COLEC10: variants seen among roughly 807,000 people sequenced by gnomAD.
COLEC10 encodes collectin subfamily member 10.
In COLEC10, 22 loss-of-function variants were observed where a neutral mutation model predicts 28.4. That is an observed-to-expected ratio of 0.78 (90% CI 0.55 to 1.11). COLEC10 has a LOEUF of 1.11. Among genes scored for constraint, COLEC10 ranks in the 50% least tolerant of loss-of-function variants. The probability of loss-of-function intolerance (pLI) is 0.00; values close to 1 mark genes in which losing one functional copy is unlikely to be tolerated. For missense variants in COLEC10, 361 were observed against 344.1 expected, an observed-to-expected ratio of 1.05 and a Z score of -0.39; for synonymous variants, 125 against 116.1, an observed-to-expected ratio of 1.08 and a Z score of -0.49.
At chr8:118,987,433 A>T in the COLEC10 span, among the ~76,000 whole-genome samples, 405 of 152,206 alleles carry the variant, frequency 2.7e-3, 6 homozygotes, top group African/African-American at 9.0e-3. Context: ...ACGTGGTGGT[A>T]CAGGGCTGTA....
chr8:119,050,054 CA>C (rs1272752774), intron 2 of COLEC10, among the ~76,000 whole-genome samples: 4 of 152,102 alleles, frequency 2.6e-5, no homozygotes, highest in Admixed American at 2.6e-4. Flanking sequence ...CACCTAACTT[CA>C]AAGCAACTCT....
intron 2 of COLEC10, among the ~76,000 whole-genome samples, chr8:119,014,443 T>C (rs1422301654): frequency 2.0e-5 from 3 of 150,426 alleles, no homozygotes; most frequent in Non-Finnish European, 2.9e-5. Flanking sequence ...ATTCTTATCT[T>C]CTGTAGGTAA....
chr8:119,073,961 C>CAT (rs139009488), intron 1 of COLEC10, among the ~76,000 whole-genome samples: 7 of 114,892 alleles, frequency 6.1e-5, no homozygotes, highest in Non-Finnish European at 1.0e-4. Context: ...CATATATACA[C>CAT]ATATACACAT....
rs535335893 is a variant in COLEC10, at chr8:119,050,444, A to G, written n.236-39236A>G. ...AAGTGGGTCAGTAAAGAGATTTTCT[A>G]TTTCAAGAGAATCTTATAAATCACC... On this transcript the variant is annotated intron_variant and non_coding_transcript_variant, in intron 2 of 6. Coordinates refer to the COLEC10 transcript ENST00000521788. 3.3e-5 allele frequency among the ~76,000 whole-genome samples: 5 copies of G among 152,320 alleles called. No individual in the cohort carries two copies. In the South Asian group the frequency reaches 1.0e-3, roughly 32 times the overall value.
chr8:119,098,137 T>C, intron 3 of COLEC10, among the ~76,000 whole-genome samples: 1 of 152,086 alleles, frequency 6.6e-6, no homozygotes, highest in East Asian at 1.9e-4. Context: ...ATGGTCATTC[T>C]AGATTTTGCA....
At chr8:119,028,293 T>G (rs1448241222) in intron 2 of COLEC10, among the ~76,000 whole-genome samples, 1 of 152,156 alleles carries the variant, frequency 6.6e-6, no homozygotes, top group Non-Finnish European at 1.5e-5. Context: ...AAGGACAGAC[T>G]TTTGGGAAAA....
rs139869623 is a variant in COLEC10, at chr8:119,106,014, G to A, written c.657G>A (p.Gln219=). The A allele has an allele frequency of 6.2e-7, 1 of 1,613,882 alleles. No homozygotes were observed. ...TGAATGACCTTGAAAGGGAGGGACA[G>A]TACATGTTCACAGACAACACTCCAC... is the stretch of plus-strand genomic sequence containing the variant. ...IGVNDLEREG[Q]YMFTDNTPLQ... The change falls in exon 6 of 6, where the codon CAG becomes CAA. Residue 219 remains glutamine, a synonymous_variant. Transcript: ENST00000332843.
At chr8:119,055,655 T>G (rs986437540) in intron 2 of COLEC10, among the ~76,000 whole-genome samples, 1 of 152,082 alleles carries the variant, frequency 6.6e-6, no homozygotes, top group African/African-American at 2.4e-5. Context: ...AATTTAAAAT[T>G]GATCATGTGT....
chr8:118,985,291 A>T, the COLEC10 span, among the ~76,000 whole-genome samples: 4 of 151,264 alleles, frequency 2.6e-5, no homozygotes, highest in Non-Finnish European at 5.9e-5. Context: ...GGTCCTCCTT[A>T]AAAAAAAATT....
intron 2 of COLEC10, among the ~76,000 whole-genome samples, chr8:119,019,030 C>T (rs1241570626): frequency 6.6e-6 from 1 of 152,110 alleles, no homozygotes; most frequent in Non-Finnish European, 1.5e-5. Context: ...GAAAAGATGC[C>T]TACTATCTTC....
At chr8:119,017,479 G>A (rs1414293378) in intron 2 of COLEC10, among the ~76,000 whole-genome samples, 1 of 152,134 alleles carries the variant, frequency 6.6e-6, no homozygotes, top group Non-Finnish European at 1.5e-5. Flanking sequence ...GAATTGTGTC[G>A]AGAAGGATTC....
At chr8:119,056,499 C>T (rs1814764063) in intron 2 of COLEC10, among the ~76,000 whole-genome samples, 1 of 151,940 alleles carries the variant, frequency 6.6e-6, no homozygotes, top group South Asian at 2.1e-4. Flanking sequence ...TGTAGCAGCC[C>T]TTTTGTGAGT....
intron 1 of COLEC10, among the ~76,000 whole-genome samples, chr8:119,007,118 TG>T (rs779574757): frequency 3.4e-4 from 51 of 152,212 alleles, no homozygotes; most frequent in Non-Finnish European, 6.2e-4. Context: ...GTTCATGACT[TG>T]GAAAACAGTT....
chr8:119,085,337 G>A (rs2450063), intron 1 of COLEC10, among the ~76,000 whole-genome samples: 109,366 of 151,946 alleles, frequency 0.72, 40,444 homozygotes, highest in African/African-American at 0.89. Flanking sequence ...TGAGGTTGAG[G>A]TTGGGGAAGT....
the COLEC10 span, among the ~76,000 whole-genome samples, chr8:118,964,185 C>T: frequency 6.6e-6 from 1 of 152,164 alleles, no homozygotes; most frequent in Non-Finnish European, 1.5e-5. Flanking sequence ...GCCTGGCACA[C>T]CTAATAGCCA....
chr8:118,988,645 A>C, the COLEC10 span, among the ~76,000 whole-genome samples: 1 of 152,180 alleles, frequency 6.6e-6, no homozygotes, highest in Non-Finnish European at 1.5e-5. Context: ...AGATTATAGG[A>C]GGTTCCTTCT....
chr8:119,073,551 C>T (rs896294201), intron 1 of COLEC10, among the ~76,000 whole-genome samples: 3 of 152,042 alleles, frequency 2.0e-5, no homozygotes, highest in Middle Eastern at 3.4e-3. Context: ...CCAATATTTT[C>T]AGTGGTTTGT....
At position 119,001,604 on chromosome 8, in the gene COLEC10, T is replaced by C. The variant is rs148017448; in HGVS notation, n.122+6031T>C. Among the ~76,000 whole-genome samples the C allele has an allele frequency of 8.8e-3, 1,335 of 152,296 alleles. 23 individuals are homozygous for C. Among genetic ancestry groups the C allele is most frequent in the African/African-American group, 0.03 (1,253 of 41,556 alleles). On this transcript the variant is annotated intron_variant and non_coding_transcript_variant, in intron 1 of 6. Transcript: ENST00000521788. ...TAAAAACTTGGTAATTAGACAGTGC[T>C]ACTTGATTAGTAGGCCCTCCAAGGC...
chr8:118,956,021 G>A, the COLEC10 span, among the ~76,000 whole-genome samples: 1 of 152,168 alleles, frequency 6.6e-6, no homozygotes, highest in African/African-American at 2.4e-5. Flanking sequence ...CACAGTTTTG[G>A]AGGCTAGAAG....
Sources: gnomAD v4.1 joint callset for allele counts (sites outside exome capture counted in the v4.1 genomes callset) on GRCh38, gnomAD v4.1.1 for gene constraint, MANE v1.5 for transcripts, NCBI Gene and HGNC (gene_info 2026-07-23, HGNC 2026-07-21) for gene names.